Variants in ACVR1 observed in about 807,000 individuals in gnomAD.
The protein encoded by ACVR1 is activin A receptor type 1, also known as activin receptor type-1.
In ACVR1, 38 loss-of-function variants were observed where a neutral mutation model predicts 57.1. The ratio of observed to expected loss-of-function variants is 0.67; its 90% confidence interval spans 0.51 to 0.87. The LOEUF is 0.87. Ranked by LOEUF, ACVR1 falls within the 40% of genes least tolerant of loss-of-function variation. ACVR1 has a pLI of 0.00. For missense variants in ACVR1, 463 were observed against 638.2 expected (o/e 0.73, Z 2.96); for synonymous variants, 212 against 228.1 (o/e 0.93, Z 0.63).
chr2:157,738,620 G>T, intron 9 of ACVR1, 50 bp from the exon 10 acceptor site: 2 of 1,613,530 alleles, frequency 1.2e-6, no homozygotes, highest in Non-Finnish European at 1.7e-6. Context: ...AGTACAGGTT[G>T]CCCCAAGGTT....
chr2:157,863,336 CTTTTTTTTTTTTTTTTT>C (rs1161335923), intron 1 of ACVR1, among the ~76,000 whole-genome samples: 3 of 35,686 alleles, frequency 8.4e-5, no homozygotes, highest in Non-Finnish European at 4.8e-5. Flanking sequence ...AATTGTTTCT[CTTTTTTTTTTTTTTTTT>C]TTTTTTTTTT....
At chr2:157,799,193 G>A (rs1287351808) in intron 3 of ACVR1, among the ~76,000 whole-genome samples, 1 of 151,976 alleles carries the variant, frequency 6.6e-6, no homozygotes, top group Non-Finnish European at 1.5e-5. Flanking sequence ...ACCATGCTTG[G>A]CCCTATATTT....
chr2:157,796,363 G>A (rs914191088), intron 3 of ACVR1, among the ~76,000 whole-genome samples: 5 of 151,960 alleles, frequency 3.3e-5, no homozygotes, highest in East Asian at 1.9e-4. Flanking sequence ...ACCAGCCTGG[G>A]CAACACGGCA....
At position 157,738,550 on chromosome 2, in the gene ACVR1, G is replaced by A. The variant is rs761950656; in HGVS notation, c.1285C>T (p.Pro429Ser). The change falls in exon 10 of 11, where the codon CCA (proline) becomes TCA (serine). Residue 429 changes from proline to serine, a missense_variant. This residue lies in a region of ACVR1 where 146 missense variants were observed against 186.6 expected (regional missense o/e 0.78). Transcript: ENST00000434821. ...VSNGIVEDYKPPFYDVVPNDP... is the reference protein window; with the variant it reads ...VSNGIVEDYKSPFYDVVPNDP... ...TTGGGAACCACATCGTAGAACGGTG[G>A]CTTGTAATCCTCCACTATACCTGCA... 6.2e-7 allele frequency: 1 copy of A among 1,614,100 alleles called. No individual in the cohort carries two copies. Among genetic ancestry groups the A allele is most frequent in the South Asian group, 1.1e-5 (1 of 91,090 alleles).
At chr2:157,873,331 G>A (rs533263972) in intron 1 of ACVR1, among the ~76,000 whole-genome samples, 1 of 152,322 alleles carries the variant, frequency 6.6e-6, no homozygotes, top group African/African-American at 2.4e-5. Flanking sequence ...TATGGTGTTT[G>A]TGGAAATGTC....
At position 157,780,417 on chromosome 2, in the gene ACVR1, G is replaced by A. The variant is rs775537696; in HGVS notation, c.251C>T (p.Pro84Leu). The change falls in exon 4 of 11, where the codon CCG becomes CTG. Residue 84 changes from proline (P) to leucine (L), a missense_variant. Pro to Leu is a moderately conservative substitution (Grantham distance 98, BLOSUM62 -3). This residue lies in a region of ACVR1 where 203 missense variants were observed against 235.5 expected (regional missense o/e 0.86). Coordinates refer to ENST00000434821, the MANE Select transcript of ACVR1 (RefSeq NM_001111067.4). ...CTCCACGGCTTGGCCAGGGGACGGC[G>A]GGGTCTTACAGGTCATCTTTCCCTG... ...YEQGKMTCKT[P>L]PSPGQAVECC... 1.2e-5 allele frequency: 19 copies of A among 1,614,104 alleles called. No homozygotes were observed. The highest frequency in any genetic ancestry group is 8.9e-5 in the East Asian group (4 of 44,874).
At chr2:157,867,916 T>C (rs1689994189) in intron 1 of ACVR1, among the ~76,000 whole-genome samples, 1 of 152,072 alleles carries the variant, frequency 6.6e-6, no homozygotes, top group Admixed American at 6.5e-5. Context: ...GGAGTGTGAG[T>C]GAGCATTAAA....
chr2:157,789,987 T>C (rs1282669736), intron 3 of ACVR1: 1 of 152,244 alleles, frequency 6.6e-6, no homozygotes, highest in Non-Finnish European at 1.5e-5. Context: ...ATACTGTACA[T>C]ACGTAGCCAG....
At chr2:157,756,175 C>G (rs1200261632) in intron 9 of ACVR1, among the ~76,000 whole-genome samples, 7 of 151,972 alleles carry the variant, frequency 4.6e-5, no homozygotes, top group Non-Finnish European at 1.0e-4. Flanking sequence ...TAAGATGGAT[C>G]AAGGACTTAA....
chr2:157,851,677 G>T (rs1021393480), intron 1 of ACVR1, among the ~76,000 whole-genome samples: 1 of 152,124 alleles, frequency 6.6e-6, no homozygotes, highest in Non-Finnish European at 1.5e-5. Flanking sequence ...TCCAAAGGCA[G>T]AGTGGGCTCC....
At chr2:157,807,916 TTC>T (rs149277565) in intron 2 of ACVR1, among the ~76,000 whole-genome samples, 32 of 143,354 alleles carry the variant, frequency 2.2e-4, no homozygotes, top group Non-Finnish European at 4.0e-4. Context: ...ATTTCTCTCT[TTC>T]TCTCTCTCTC....
intron 3 of ACVR1, among the ~76,000 whole-genome samples, chr2:157,798,471 T>C (rs1169915360): frequency 6.8e-6 from 1 of 146,872 alleles, no homozygotes; most frequent in Non-Finnish European, 1.5e-5. Context: ...TCATGTCTTC[T>C]TGTAGACTCA....
At chr2:157,835,216 T>G (rs1688738026) in intron 1 of ACVR1, among the ~76,000 whole-genome samples, 1 of 152,190 alleles carries the variant, frequency 6.6e-6, no homozygotes, top group Non-Finnish European at 1.5e-5. Context: ...TCCCCTACAC[T>G]GTGGTTAAAA....
At chr2:157,741,602 TGACA>T (rs1684770312) in intron 9 of ACVR1, among the ~76,000 whole-genome samples, 1 of 146,004 alleles carries the variant, frequency 6.8e-6, no homozygotes, top group South Asian at 2.1e-4. Flanking sequence ...TATAGCCTGG[TGACA>T]GACAGAGACT....
intron 3 of ACVR1, among the ~76,000 whole-genome samples, chr2:157,785,392 G>A (rs1462670382): frequency 6.6e-6 from 1 of 152,152 alleles, no homozygotes; most frequent in Non-Finnish European, 1.5e-5. Context: ...CTCCTAATCC[G>A]GGAGCACAGT....
chr2:157,780,186 C>T, intron 4 of ACVR1, 151 bp downstream of exon 4: 1 of 1,140,766 alleles, frequency 8.8e-7, no homozygotes, highest in Non-Finnish European at 1.3e-6. Context: ...CCTTTCTCTT[C>T]TTCACCCAGG....
intron 1 of ACVR1, among the ~76,000 whole-genome samples, chr2:157,863,011 CTTTTTTTTTTTTTTTT>C (rs374223805): frequency 1.6e-5 from 1 of 62,330 alleles, no homozygotes; most frequent in African/African-American, 7.3e-5. Flanking sequence ...AGAACATTTA[CTTTTTTTTTTTTTTTT>C]TTTTTTTTTT....
At chr2:157,757,045 A>AGATATATATATATATATATATAT (rs1559039330) in intron 9 of ACVR1, among the ~76,000 whole-genome samples, 1 of 98,182 alleles carries the variant, frequency 1.0e-5, no homozygotes, top group African/African-American at 4.2e-5. Flanking sequence ...TATATATATA[A>AGATATATATATATATATATATAT]AATAGAATAC....
chr2:157,808,616 C>T (rs1410787292), intron 2 of ACVR1, among the ~76,000 whole-genome samples: 1 of 152,164 alleles, frequency 6.6e-6, no homozygotes, highest in East Asian at 1.9e-4. Flanking sequence ...TCTCTAGTTG[C>T]AGACACCAGC....
Sources: allele counts gnomAD v4.1 joint callset (sites outside exome capture counted in the v4.1 genomes callset), GRCh38; gene constraint gnomAD v4.1.1; regional missense constraint gnomAD v4.1.1; transcripts MANE v1.5; gene names NCBI Gene and HGNC (gene_info 2026-07-23, HGNC 2026-07-21).